PPFIBP1: variants seen among roughly 807,000 people sequenced by gnomAD.
The protein encoded by PPFIBP1 is PPFIB scaffold protein 1.
A neutral mutation model predicts 137.8 loss-of-function variants in PPFIBP1; 112 were observed. The ratio of observed to expected loss-of-function variants is 0.81; its 90% CI spans 0.70 to 0.95. The LOEUF is 0.95. PPFIBP1 is among the 40% of genes least tolerant of loss of function. PPFIBP1 has a pLI of 0.00. For missense variants in PPFIBP1, 1,083 were observed against 1,196.6 expected (o/e 0.91, Z 1.40); for synonymous variants, 378 against 417.3 (o/e 0.91, Z 1.15).
At chr12:27,614,416 C>T (rs558595914) in intron 2 of PPFIBP1, among the ~76,000 whole-genome samples, 1 of 152,176 alleles carries the variant, frequency 6.6e-6, no homozygotes, top group African/African-American at 2.4e-5. Flanking sequence ...TCCCAGCCCA[C>T]GACTTCTTTA....
intron 2 of PPFIBP1, among the ~76,000 whole-genome samples, chr12:27,600,453 A>T (rs1449007940): frequency 6.6e-6 from 1 of 150,576 alleles, no homozygotes; most frequent in African/African-American, 2.4e-5. Context: ...AAAAAAAAAT[A>T]GTTAGAAGAA....
chr12:27,695,489 G>A lies in PPFIBP1; in HGVS notation c.*2607G>A, dbSNP rs557011621. 7 of 152,180 alleles carry A rather than the reference G, an allele frequency of 4.6e-5. No individual in the cohort carries two copies. Among genetic ancestry groups the A allele is most frequent in the South Asian group, 2.1e-4 (1 of 4,820 alleles). 9.4% of individuals were successfully genotyped at this position (152,180 alleles called of 1,614,324 possible). Reference sequence around the variant, plus strand: ...TAATAAGGTTAAATTTTTTTATGACGTATTTTATTTACAAATATCATACAC... The same window carrying A: ...TAATAAGGTTAAATTTTTTTATGACATATTTTATTTACAAATATCATACAC... On this transcript the variant is annotated 3_prime_UTR_variant, in exon 30 of 30. Transcript: ENST00000228425.
chr12:27,549,936 G>A (rs1009405720), intron 1 of PPFIBP1, among the ~76,000 whole-genome samples: 8 of 152,302 alleles, frequency 5.3e-5, no homozygotes, highest in Admixed American at 1.3e-4. Context: ...CTGATGTTGC[G>A]TAACCTCCCG....
intron 9 of PPFIBP1, among the ~76,000 whole-genome samples, chr12:27,657,984 A>G (rs61917472): frequency 0.16 from 24,340 of 151,762 alleles, 2,346 homozygotes; most frequent in Non-Finnish European, 0.22. Context: ...TTAAATTTCA[A>G]ATTTCACCAG....
chr12:27,664,837 G>A (rs1298375334), intron 12 of PPFIBP1, among the ~76,000 whole-genome samples: 4 of 152,180 alleles, frequency 2.6e-5, no homozygotes, highest in Admixed American at 6.5e-5. Context: ...CTCTGGTAGC[G>A]CAAGGGGTGG....
chr12:27,647,643 C>T (rs1593114462), intron 5 of PPFIBP1, 86 bp from the exon 6 acceptor site: 12 of 760,584 alleles, frequency 1.6e-5, no homozygotes, highest in South Asian at 6.0e-5. Context: ...AGGATCATTC[C>T]TTTTTTTGTT....
chr12:27,623,767 T>C (rs550995025), intron 2 of PPFIBP1, among the ~76,000 whole-genome samples: 1 of 152,222 alleles, frequency 6.6e-6, no homozygotes, highest in South Asian at 2.1e-4. Context: ...TTCTGGCTTA[T>C]GCAGCTAAGA....
chr12:27,628,298 T>C (rs1225887060), intron 2 of PPFIBP1, among the ~76,000 whole-genome samples: 2 of 152,130 alleles, frequency 1.3e-5, no homozygotes, highest in African/African-American at 4.8e-5. Context: ...CACCTCAGCC[T>C]CCTGAGCAGC....
At chr12:27,641,864 G>A (rs1249926637) in intron 4 of PPFIBP1, among the ~76,000 whole-genome samples, 6 of 152,204 alleles carry the variant, frequency 3.9e-5, no homozygotes, top group Middle Eastern at 3.4e-3. Context: ...CCAGGCATTC[G>A]AACTGGCAGT....
At chr12:27,647,138 A>G (rs1264042182) in intron 5 of PPFIBP1, among the ~76,000 whole-genome samples, 1 of 152,170 alleles carries the variant, frequency 6.6e-6, no homozygotes, top group African/African-American at 2.4e-5. Flanking sequence ...AGTAACTGGG[A>G]TTACAGGCAC....
intron 1 of PPFIBP1, among the ~76,000 whole-genome samples, chr12:27,552,314 T>C (rs200624371): frequency 1.3e-5 from 2 of 152,324 alleles, no homozygotes; most frequent in East Asian, 3.9e-4. Context: ...ATGAAGAGAA[T>C]TGAACCGCTA....
At chr12:27,571,677 A>G (rs535158737) in intron 1 of PPFIBP1, among the ~76,000 whole-genome samples, 8 of 152,324 alleles carry the variant, frequency 5.3e-5, no homozygotes, top group African/African-American at 1.9e-4. Flanking sequence ...CTGCAGTTCT[A>G]CCGACATGAT....
At chr12:27,684,869 G>A (rs931919089) in intron 24 of PPFIBP1, among the ~76,000 whole-genome samples, 2 of 151,974 alleles carry the variant, frequency 1.3e-5, no homozygotes, top group African/African-American at 4.8e-5. Context: ...TTCCTCTAAC[G>A]TTAACATCTT....
At chr12:27,603,238 G>T (rs568730967) in intron 2 of PPFIBP1, among the ~76,000 whole-genome samples, 1 of 152,204 alleles carries the variant, frequency 6.6e-6, no homozygotes, top group Non-Finnish European at 1.5e-5. Flanking sequence ...TCTAGCTGCA[G>T]CAGGTTCATT....
In PPFIBP1 at chr12:27,681,621, G is replaced by C. The variant is rs35291896; in HGVS notation, c.1971G>C (p.Ser657=). 6.2e-7 allele frequency: 1 copy of C among 1,614,166 alleles called. No homozygotes were observed. The change falls in exon 22 of 30, where the codon TCG becomes TCC. Residue 657 remains serine (S), a synonymous_variant. Coordinates refer to ENST00000228425, the MANE Select transcript of PPFIBP1 (RefSeq NM_003622.4). ...CNWLMEQGLG[S]YLNSGKHWIA... ...GGCTGATGGAACAGGGCTTGGGCTC[G>C]TACCTGAATTCTGGCAAGCACTGGA...
chr12:27,608,194 A>T (rs1294126225), intron 2 of PPFIBP1, among the ~76,000 whole-genome samples: 1 of 152,202 alleles, frequency 6.6e-6, no homozygotes, highest in Non-Finnish European at 1.5e-5. Flanking sequence ...TATACACTCA[A>T]ATTTCAGTCT....
chr12:27,539,324 C>T (rs1945395877), intron 1 of PPFIBP1, among the ~76,000 whole-genome samples: 1 of 152,204 alleles, frequency 6.6e-6, no homozygotes, highest in African/African-American at 2.4e-5. Flanking sequence ...GTTTATGTTA[C>T]ACTGTGTACT....
At position 27,670,778 on chromosome 12, in the gene PPFIBP1, CAAA is replaced by C. The variant is rs1173003497; in HGVS notation, c.1147-637_1147-635del. 4.4e-3 allele frequency among the ~76,000 whole-genome samples: 626 copies of C among 142,166 alleles called. 2 individuals carry two copies. Among genetic ancestry groups the C allele is most frequent in the East Asian group, 0.012 (59 of 4,940 alleles). 93.3% of individuals were successfully genotyped at this position (142,166 alleles called of 152,430 possible). ...TGGATGACAAAGTGAGACCCTGTCT[CAAA>C]AAAAAAAAAAAAAAATAATAATAAT... On this transcript the variant is annotated intron_variant, in intron 13 of 29. Coordinates refer to ENST00000228425, the MANE Select transcript of PPFIBP1 (RefSeq NM_003622.4).
Position 27,691,824 on chromosome 12 carries a change from C to T in PPFIBP1, c.2761C>T (p.Pro921Ser). The part of the protein sequence containing the change: ...KQEDGEEYVC[P>S]MELGQASGSA... ...GGAAGATGGTGAAGAATATGTTTGTCCAATGGAATTGGGACAGGCATCAGG... is the reference window on the plus strand; with the variant it reads ...GGAAGATGGTGAAGAATATGTTTGTTCAATGGAATTGGGACAGGCATCAGG... Residue 921 changes from proline to serine, a missense_variant, in exon 28 of 30, where the codon CCA (proline) becomes TCA (serine). Transcript: ENST00000228425. 1 of 1,613,870 alleles carries T rather than the reference C, an allele frequency of 6.2e-7. No homozygotes were observed.
Sources: gnomAD v4.1 joint callset for allele counts (sites outside exome capture counted in the v4.1 genomes callset) on GRCh38, gnomAD v4.1.1 for gene constraint, MANE v1.5 for transcripts, NCBI Gene and HGNC (gene_info 2026-07-23, HGNC 2026-07-21) for gene names.